ATP9A: variants seen among roughly 807,000 people sequenced by gnomAD.
The protein encoded by ATP9A is ATPase phospholipid transporting 9A, also known as probable phospholipid-transporting ATPase IIA.
In ATP9A, 52 loss-of-function variants were observed where a neutral mutation model predicts 144.1. The observed-to-expected ratio is 0.36, with a 90% CI of 0.29 to 0.45. ATP9A has a LOEUF of 0.45. Among genes scored for constraint, ATP9A ranks in the 20% least tolerant of loss-of-function variants. The pLI is 1.00. For synonymous variants in ATP9A, 582 were observed against 557.4 expected (o/e 1.04, Z -0.62); for missense variants, 947 against 1,392.7 (o/e 0.68, Z 5.09).
chr20:51,624,840 T>A lies in ATP9A; in HGVS notation c.2016+352A>T, dbSNP rs573822654. On this transcript the variant is annotated intron_variant, in intron 18 of 27. Coordinates refer to ENST00000338821, the MANE Select transcript of ATP9A (RefSeq NM_006045.3). ...GGCCAACATGGTGAAACCCTCTATC[T>A]ACAAAAATATAAAAATTAGCCAGGC... Among the ~76,000 whole-genome samples the A allele has an allele frequency of 7.2e-4, 109 of 151,664 alleles. 1 individual carries two copies. The highest frequency in any genetic ancestry group is 1.3e-3 in the Non-Finnish European group (89 of 67,906).
chr20:51,732,469 C>T (rs2077746314), intron 1 of ATP9A: 1 of 152,182 alleles, frequency 6.6e-6, no homozygotes. Context: ...GAAAACACAG[C>T]CTCTGTCCAT....
chr20:51,657,132 C>A lies in ATP9A; in HGVS notation c.1312G>T (p.Ala438Ser). ...IYTQQSQDPPAQKGPTLTTKV... is the reference protein window; with the variant it reads ...IYTQQSQDPPSQKGPTLTTKV... ...GTGGTGAGCGTTGGGCCCTTCTGAGCCGGTGGGTCCTGGGATTGCTACAGG... is the reference window on the plus strand; with the variant it reads ...GTGGTGAGCGTTGGGCCCTTCTGAGACGGTGGGTCCTGGGATTGCTACAGG... The change falls in exon 14 of 28, where the codon GCT (alanine) becomes TCT (serine). Residue 438 changes from alanine (A) to serine (S), a missense_variant. Ala to Ser is a moderately conservative substitution (Grantham distance 99, BLOSUM62 1). This residue lies in a region of ATP9A where 770 missense variants were observed against 1,047.9 expected (regional missense o/e 0.73). Coordinates refer to ENST00000338821, the MANE Select transcript of ATP9A (RefSeq NM_006045.3). The A allele has an allele frequency of 6.2e-7, 1 of 1,614,006 alleles. No individual in the cohort carries two copies.
At chr20:51,602,914 G>A (rs868471944) in intron 27 of ATP9A, among the ~76,000 whole-genome samples, 57 of 152,224 alleles carry the variant, frequency 3.7e-4, no homozygotes, top group African/African-American at 1.3e-3. Context: ...GTTAGGGTTT[G>A]TTCACACCCC....
At chr20:51,707,165 G>C (rs371906883) in intron 4 of ATP9A, among the ~76,000 whole-genome samples, 5 of 152,096 alleles carry the variant, frequency 3.3e-5, no homozygotes, top group African/African-American at 1.2e-4. Context: ...TGTTCAGGTG[G>C]GTCCCGTACT....
At chr20:51,700,618 G>A (rs1256385744) in intron 4 of ATP9A, among the ~76,000 whole-genome samples, 4 of 152,180 alleles carry the variant, frequency 2.6e-5, no homozygotes, top group Non-Finnish European at 5.9e-5. Context: ...ATCACCTGAG[G>A]TCAGGAGTTT....
intron 25 of ATP9A, among the ~76,000 whole-genome samples, 184 bp downstream of exon 25, chr20:51,608,334 A>C (rs1013911361): frequency 1.3e-5 from 2 of 152,140 alleles, no homozygotes. Flanking sequence ...TTACTGCTTT[A>C]AGAAAAAATG....
chr20:51,648,828 C>T (rs6067870), intron 14 of ATP9A, among the ~76,000 whole-genome samples: 68,387 of 151,914 alleles, frequency 0.45, 16,866 homozygotes, highest in East Asian at 0.8. Flanking sequence ...CAAGATCCTA[C>T]CTCAAAAAAA....
chr20:51,663,197 T>TA (rs745349718), intron 13 of ATP9A, among the ~76,000 whole-genome samples: 4 of 152,224 alleles, frequency 2.6e-5, no homozygotes. Context: ...CAACTCTAGT[T>TA]AAAAAAGAAA....
intron 1 of ATP9A, among the ~76,000 whole-genome samples, chr20:51,741,499 C>G (rs2077785183): frequency 6.6e-6 from 1 of 152,062 alleles, no homozygotes; most frequent in Non-Finnish European, 1.5e-5. Flanking sequence ...ATCGCTTGAA[C>G]CTGGGAGGCT....
chr20:51,697,575 C>T, intron 4 of ATP9A, 93 bp from the exon 5 acceptor site: 2 of 1,144,822 alleles, frequency 1.7e-6, no homozygotes, highest in South Asian at 1.3e-5. Context: ...ACACACAATA[C>T]ACCCAGAAGT....
intron 7 of ATP9A, among the ~76,000 whole-genome samples, chr20:51,691,102 T>C (rs905792138): frequency 6.6e-5 from 10 of 152,202 alleles, no homozygotes; most frequent in East Asian, 1.9e-4. Flanking sequence ...TACACACCTA[T>C]GAATACCCTG....
At chr20:51,673,977 G>A (rs1391138625) in intron 11 of ATP9A, among the ~76,000 whole-genome samples, 176 bp downstream of exon 11, 1 of 151,736 alleles carries the variant, frequency 6.6e-6, no homozygotes, top group Non-Finnish European at 1.5e-5. Context: ...TTGAACCTGG[G>A]AGGTGGAGGT....
At chr20:51,692,341 A>C (rs1345025414) in intron 7 of ATP9A, among the ~76,000 whole-genome samples, 1 of 152,236 alleles carries the variant, frequency 6.6e-6, no homozygotes, top group Admixed American at 6.5e-5. Flanking sequence ...AGATCTTGGC[A>C]AAAACTACAT....
intron 9 of ATP9A, among the ~76,000 whole-genome samples, chr20:51,677,529 G>A (rs866263914): frequency 3.9e-4 from 59 of 152,276 alleles, no homozygotes; most frequent in African/African-American, 1.4e-3. Flanking sequence ...GGGGAAAGGC[G>A]TGGCTTGCCG....
chr20:51,761,759 C>CA (rs553529325), intron 1 of ATP9A, among the ~76,000 whole-genome samples: 2,028 of 121,852 alleles, frequency 0.017, 14 homozygotes, highest in Non-Finnish European at 0.02. Flanking sequence ...GACTCCGCCT[C>CA]AAAAAAAAAA....
At chr20:51,607,678 A>G in intron 25 of ATP9A, 94 bp from the exon 26 acceptor site, 1 of 891,760 alleles carries the variant, frequency 1.1e-6, no homozygotes. Context: ...CTAACGAGAT[A>G]AGGCAACCCA....
chr20:51,685,565 G>GA (rs1184853786), intron 9 of ATP9A, among the ~76,000 whole-genome samples: 10 of 129,172 alleles, frequency 7.7e-5, no homozygotes, highest in Admixed American at 2.4e-4. Context: ...CTCAGTCTCA[G>GA]AAAAAAAAGA....
intron 3 of ATP9A, among the ~76,000 whole-genome samples, chr20:51,720,337 C>T (rs1205703): frequency 1 from 151,613 of 152,338 alleles, 75,449 homozygotes; most frequent in Middle Eastern, 1. Context: ...TGTAAGTATA[C>T]AGTAAACAGT....
intron 9 of ATP9A, among the ~76,000 whole-genome samples, chr20:51,681,923 C>A (rs1437723639): frequency 6.6e-6 from 1 of 152,142 alleles, no homozygotes; most frequent in African/African-American, 2.4e-5. Flanking sequence ...GCATTTATTA[C>A]TGAAATGCTA....
Sources: allele counts gnomAD v4.1 joint callset (sites outside exome capture counted in the v4.1 genomes callset), GRCh38; gene constraint gnomAD v4.1.1; regional missense constraint gnomAD v4.1.1; transcripts MANE v1.5; gene names NCBI Gene and HGNC (gene_info 2026-07-23, HGNC 2026-07-21).